DKK4: variants seen among roughly 807,000 people sequenced by gnomAD.
The protein encoded by DKK4 is dickkopf Wnt signaling pathway inhibitor 4, also known as dickkopf-related protein 4.
Under a neutral mutation model 14.5 loss-of-function variants are expected in DKK4, and 15 were observed. The observed-to-expected ratio is 1.03, with a 90% confidence interval of 0.69 to 1.59. The LOEUF (loss-of-function observed/expected upper bound fraction) is 1.59, where lower values mean the gene tolerates loss of function less well. DKK4 is among the 40% of genes most tolerant of loss of function. The pLI is 0.00. For missense variants in DKK4, 272 were observed against 280.3 expected (o/e 0.97, Z 0.21); for synonymous variants, 89 against 105.2 (o/e 0.85, Z 0.94).
At chr8:42,384,564 T>A in the DKK4 span, among the ~76,000 whole-genome samples, 1 of 152,098 alleles carries the variant, frequency 6.6e-6, no homozygotes, top group African/African-American at 2.4e-5. Flanking sequence ...TGTCCCAGGC[T>A]CCTACCTTGA....
chr8:42,390,777 C>T, the DKK4 span, among the ~76,000 whole-genome samples: 4 of 152,184 alleles, frequency 2.6e-5, no homozygotes, highest in Non-Finnish European at 5.9e-5. Context: ...TGAAGAGAGG[C>T]AAATTACACA....
chr8:42,388,786 G>T, the DKK4 span, among the ~76,000 whole-genome samples: 1 of 152,064 alleles, frequency 6.6e-6, no homozygotes, highest in Non-Finnish European at 1.5e-5. Flanking sequence ...GGCCAGGATG[G>T]TCTCGATCTC....
At chr8:42,380,285 C>A (rs111534755), upstream of DKK4, among the ~76,000 whole-genome samples, 17 of 151,830 alleles carry the variant, frequency 1.1e-4, 1 homozygote, top group African/African-American at 4.1e-4. Context: ...TGATCCTATC[C>A]CTGCACTCAA....
rs1585932991 is a variant in DKK4 at position 42,374,691 on chromosome 8, C to T, written c.415+70G>A. ...TGGAGAAGAATAAAATCAGTCTCACCCTATCCTTAAGAGGCTGGGAGGAGA... is the reference window on the plus strand; with the variant it reads ...TGGAGAAGAATAAAATCAGTCTCACTCTATCCTTAAGAGGCTGGGAGGAGA... On this transcript the variant is annotated intron_variant, in intron 3 of 3. Coordinates refer to ENST00000220812, the MANE Select transcript of DKK4 (RefSeq NM_014420.3). The T allele has an allele frequency of 1.6e-5, 26 of 1,591,628 alleles. No individual in the cohort carries two copies. The East Asian group carries it at 5.4e-4, about 33-fold the overall frequency.
the DKK4 span, among the ~76,000 whole-genome samples, chr8:42,386,210 C>T: frequency 6.6e-6 from 1 of 152,108 alleles, no homozygotes. Context: ...CCGCCTCAGC[C>T]TCCCAAGTAG....
the DKK4 span, among the ~76,000 whole-genome samples, chr8:42,383,702 C>T: frequency 2.6e-5 from 4 of 152,172 alleles, no homozygotes; most frequent in Non-Finnish European, 5.9e-5. Context: ...CAGCACTTTG[C>T]AAGTCCGAGG....
chr8:42,380,883 AAGAG>A (rs764177262), upstream of DKK4, among the ~76,000 whole-genome samples: 44 of 150,674 alleles, frequency 2.9e-4, no homozygotes, highest in South Asian at 1.7e-3. Context: ...AGGAGAAAGA[AAGAG>A]AGAGAAAGAG....
At chr8:42,380,194 G>T (rs1287645699), upstream of DKK4, among the ~76,000 whole-genome samples, 2 of 152,070 alleles carry the variant, frequency 1.3e-5, no homozygotes, top group Admixed American at 6.6e-5. Flanking sequence ...TTACCCTGGT[G>T]TGGTGGCACG....
chr8:42,379,710 C>T (rs947987428), upstream of DKK4, among the ~76,000 whole-genome samples: 4 of 151,856 alleles, frequency 2.6e-5, no homozygotes, highest in Non-Finnish European at 5.9e-5. Flanking sequence ...GTTGGGAAGT[C>T]GGAGATATCC....
chr8:42,385,740 C>T, the DKK4 span, among the ~76,000 whole-genome samples: 6 of 152,208 alleles, frequency 3.9e-5, no homozygotes, highest in African/African-American at 1.4e-4. Flanking sequence ...ATAGCACTGT[C>T]CTTCTCATAC....
the DKK4 span, among the ~76,000 whole-genome samples, chr8:42,388,039 C>T: frequency 6.6e-6 from 1 of 152,264 alleles, no homozygotes; most frequent in African/African-American, 2.4e-5. Flanking sequence ...GTCAGGACTA[C>T]AGGAGGCCAC....
chr8:42,376,639 A>G (rs1300028568), intron 1 of DKK4, among the ~76,000 whole-genome samples: 4 of 152,188 alleles, frequency 2.6e-5, no homozygotes, highest in Non-Finnish European at 4.4e-5. Context: ...GGAAGAGTAC[A>G]TGACGTATTA....
upstream of DKK4, among the ~76,000 whole-genome samples, chr8:42,378,434 T>C (rs1824601835): frequency 6.6e-6 from 1 of 152,214 alleles, no homozygotes; most frequent in Admixed American, 6.5e-5. Context: ...TTCCTACTAC[T>C]TGGCCCTTGT....
chr8:42,389,959 T>C, the DKK4 span, among the ~76,000 whole-genome samples: 71 of 149,532 alleles, frequency 4.7e-4, no homozygotes, highest in Non-Finnish European at 8.5e-4. Context: ...TGGCACGATC[T>C]TGGCTCACTG....
At chr8:42,382,083 G>A (rs534920538), upstream of DKK4, among the ~76,000 whole-genome samples, 1 of 152,266 alleles carries the variant, frequency 6.6e-6, no homozygotes, top group African/African-American at 2.4e-5. Context: ...ATCTTCCATA[G>A]ACTTTAGTGC....
At chr8:42,378,220 C>A (rs1315152683), upstream of DKK4, among the ~76,000 whole-genome samples, 1 of 152,236 alleles carries the variant, frequency 6.6e-6, no homozygotes, top group African/African-American at 2.4e-5. Flanking sequence ...TTTTTCTCTT[C>A]ATTGTTTCAT....
rs751540104 is a variant in DKK4, at chr8:42,375,743, GACATGTAGC to G, written c.190_198del (p.Ala64_Cys66del). The G allele has an allele frequency of 2.2e-5, 35 of 1,613,930 alleles. No homozygotes were observed. The highest frequency in any genetic ancestry group is 3.3e-4 in the Middle Eastern group (2 of 6,020). On this transcript the variant is annotated inframe_deletion, in exon 2 of 4. Coordinates refer to ENST00000220812, the MANE Select transcript of DKK4 (RefSeq NM_014420.3). ...CGCTGGCACCTCCTCCGCAACCCAC[GACATGTAGC>G]ACAGAACGGCTTCTCATCGCGGGGC...
chr8:42,374,107 T>C lies in DKK4; in HGVS notation c.668A>G (p.Lys223Arg). Residue 223 changes from lysine (K) to arginine (R), a missense_variant, in exon 4 of 4, where the codon AAG becomes AGG. By Grantham distance (26) the Lys-to-Arg change is conservative. Transcript: ENST00000220812. ...ARLRVCQKIE[K>R]L is the part of the protein sequence containing the mutation. ...TTCTTTATTTTGAAATATTTATAGC[T>C]TTTCTATTTTTTGGCATACTCTTAA... 6.2e-7 allele frequency: 1 copy of C among 1,611,074 alleles called. No individual in the cohort carries two copies. Among genetic ancestry groups the C allele is most frequent in the Non-Finnish European group, 8.5e-7 (1 of 1,179,720 alleles).
chr8:42,383,709 G>A, the DKK4 span, among the ~76,000 whole-genome samples: 10 of 152,306 alleles, frequency 6.6e-5, no homozygotes, highest in African/African-American at 1.7e-4. Flanking sequence ...TTGCAAGTCC[G>A]AGGCAGGCAG....
Sources: gnomAD v4.1 joint callset for allele counts (sites outside exome capture counted in the v4.1 genomes callset) on GRCh38, gnomAD v4.1.1 for gene constraint, MANE v1.5 for transcripts, NCBI Gene and HGNC (gene_info 2026-07-23, HGNC 2026-07-21) for gene names.